The following TRPM1 variants were observed in gnomAD, a reference collection of about 807,000 sequenced individuals.
TRPM1 encodes transient receptor potential cation channel subfamily M member 1.
A neutral mutation model predicts 149.4 loss-of-function variants in TRPM1; 113 were observed. The ratio of observed to expected loss-of-function variants is 0.76; its 90% CI spans 0.65 to 0.88. TRPM1 has a LOEUF of 0.88. Ranked by LOEUF, TRPM1 falls within the 40% of genes least tolerant of loss-of-function variation. The pLI, the probability that TRPM1 is intolerant of heterozygous loss-of-function variation, is 0.00. For synonymous variants in TRPM1, 741 were observed against 759.5 expected, an observed-to-expected ratio of 0.98 and a Z score of 0.40; for missense variants, 1,976 against 2,038.7, an observed-to-expected ratio of 0.97 and a Z score of 0.59.
At chr15:31,079,836 A>G (rs2034809680) in intron 2 of TRPM1, among the ~76,000 whole-genome samples, 1 of 152,192 alleles carries the variant, frequency 6.6e-6, no homozygotes, top group South Asian at 2.1e-4. Flanking sequence ...TCCAAATACC[A>G]TTCTCCACTA....
chr15:31,145,184 G>A (rs1596100961), intron 1 of TRPM1, among the ~76,000 whole-genome samples: 1 of 152,122 alleles, frequency 6.6e-6, no homozygotes, highest in South Asian at 2.1e-4. Flanking sequence ...TCAAGGGAAC[G>A]TCTCATGCCC....
chr15:31,124,851 G>T (rs1008342453), intron 1 of TRPM1, among the ~76,000 whole-genome samples: 2 of 152,102 alleles, frequency 1.3e-5, no homozygotes, highest in African/African-American at 4.8e-5. Flanking sequence ...TGGTAATGGT[G>T]GGTGGATACC....
chr15:31,059,892 G>A (rs1376194130), intron 11 of TRPM1, among the ~76,000 whole-genome samples: 2 of 152,030 alleles, frequency 1.3e-5, no homozygotes, highest in African/African-American at 4.8e-5. Context: ...AGACTTATGT[G>A]TGTTCACACA....
intron 1 of TRPM1, among the ~76,000 whole-genome samples, chr15:31,148,831 G>C (rs753667158): frequency 2.0e-5 from 3 of 152,330 alleles, no homozygotes; most frequent in Non-Finnish European, 4.4e-5. Flanking sequence ...GGTAGCCTCA[G>C]TTCTGCCGTC....
chr15:31,121,223 CAAAAA>C (rs71420549), intron 1 of TRPM1, among the ~76,000 whole-genome samples: 1 of 59,380 alleles, frequency 1.7e-5, no homozygotes, highest in Middle Eastern at 0.01. Flanking sequence ...GACTCCATCT[CAAAAA>C]AAAAAAAAAA....
intron 1 of TRPM1, among the ~76,000 whole-genome samples, chr15:31,141,605 AT>A (rs35433363): frequency 1.3e-5 from 2 of 151,908 alleles, no homozygotes; most frequent in Admixed American, 6.6e-5. Context: ...AGAGAAAGTA[AT>A]TTTTTTTGTA....
chr15:31,153,995 A>C (rs8035624), intron 1 of TRPM1, among the ~76,000 whole-genome samples: 50,867 of 152,036 alleles, frequency 0.33, 8,839 homozygotes, highest in Admixed American at 0.47. Context: ...CCCAGTACTC[A>C]AAGTGTGTTC....
chr15:31,094,252 A>T (rs180865958), intron 1 of TRPM1, among the ~76,000 whole-genome samples: 169 of 152,210 alleles, frequency 1.1e-3, no homozygotes, highest in African/African-American at 3.8e-3. Context: ...AAACCATAAA[A>T]CTCTTAAAAG....
At chr15:31,158,375 C>A (rs2036403748) in intron 1 of TRPM1, among the ~76,000 whole-genome samples, 1 of 151,818 alleles carries the variant, frequency 6.6e-6, no homozygotes, top group South Asian at 2.1e-4. Flanking sequence ...CGCCTGTAAT[C>A]CCAGCACTTT....
At chr15:31,094,764 A>G (rs973344964) in intron 1 of TRPM1, among the ~76,000 whole-genome samples, 1 of 152,252 alleles carries the variant, frequency 6.6e-6, no homozygotes, top group Admixed American at 6.5e-5. Flanking sequence ...TGGAACCTTC[A>G]GACATTGCTG....
intron 27 of TRPM1, among the ~76,000 whole-genome samples, chr15:31,015,921 G>A (rs1484434550): frequency 6.6e-6 from 1 of 151,990 alleles, no homozygotes; most frequent in Non-Finnish European, 1.5e-5. Flanking sequence ...AGGACCCTTT[G>A]CAAACATGCC....
intron 1 of TRPM1, among the ~76,000 whole-genome samples, chr15:31,086,523 T>C (rs1017415525): frequency 6.6e-6 from 1 of 152,170 alleles, no homozygotes; most frequent in Admixed American, 6.5e-5. Context: ...ACCAGGGACA[T>C]GATGTGCCCT....
chr15:31,077,811 T>C lies in TRPM1; in HGVS notation c.4-827A>G, dbSNP rs575296808. On this transcript the variant is annotated intron_variant, in intron 2 of 27. Transcript: ENST00000256552. ...CGAGTGCAGAGTGTGTCGTGATGCA[T>C]GTGTGTGTGTGTGATGAGTCTGTAT... Among the ~76,000 whole-genome samples the C allele has an allele frequency of 1.4e-3, 216 of 151,476 alleles. 2 individuals carry two copies. Among genetic ancestry groups the C allele is most frequent in the African/African-American group, 4.9e-3 (204 of 41,256 alleles).
chr15:31,135,657 C>T (rs2036078245), intron 1 of TRPM1, among the ~76,000 whole-genome samples: 1 of 151,964 alleles, frequency 6.6e-6, no homozygotes, highest in Non-Finnish European at 1.5e-5. Context: ...GGGGCAGGTC[C>T]CTCAGGAGTA....
intron 1 of TRPM1, among the ~76,000 whole-genome samples, chr15:31,114,552 C>G (rs996162317): frequency 3.3e-5 from 5 of 152,020 alleles, no homozygotes; most frequent in Non-Finnish European, 7.4e-5. Context: ...TGTTGAAAAC[C>G]AAAGACAAAG....
At chr15:31,068,271 G>A (rs2034437941) in intron 4 of TRPM1, among the ~76,000 whole-genome samples, 179 bp from the exon 5 acceptor site, 1 of 152,174 alleles carries the variant, frequency 6.6e-6, no homozygotes, top group African/African-American at 2.4e-5. Context: ...GGAGAGGATT[G>A]TCAGGTTTAG....
intron 27 of TRPM1, among the ~76,000 whole-genome samples, chr15:31,013,069 T>C (rs1251483879): frequency 2.0e-5 from 3 of 151,304 alleles, no homozygotes; most frequent in Non-Finnish European, 4.4e-5. Context: ...CAGCCTTGAA[T>C]TCCTGGGCTC....
rs113105023 is a variant in TRPM1 at position 31,148,839 on chromosome 15, G to A, written c.54+12067C>T. On this transcript the variant is annotated intron_variant, in intron 1 of 26. Coordinates refer to the TRPM1 transcript ENST00000542188. ...ACCCCAGGGTAGCCTCAGTTCTGCCGTCTGTTAGACAGCTGGGTGGTCTGA... is the reference window on the plus strand; with the variant it reads ...ACCCCAGGGTAGCCTCAGTTCTGCCATCTGTTAGACAGCTGGGTGGTCTGA... Among the ~76,000 whole-genome samples the A allele has an allele frequency of 1.3e-3, 202 of 152,290 alleles. 1 individual carries two copies. Among genetic ancestry groups the A allele is most frequent in the Middle Eastern group, 3.4e-3 (1 of 294 alleles).
chr15:31,037,772 G>A lies in TRPM1; in HGVS notation c.2510C>T (p.Pro837Leu), dbSNP rs1048757441. Residue 837 changes from proline (P) to leucine (L), a missense_variant, in exon 20 of 28, where the codon CCC (proline) becomes CTC (leucine). Transcript: ENST00000256552. ...GAATTCACAGATCTTTGTTCCGATG[G>A]GAATACTTCTCTGTTTTTTGTGCTC... ...ENEHKKQRSIPIGTKICEFYN... is the reference protein window; with the variant it reads ...ENEHKKQRSILIGTKICEFYN... 1.0e-4 allele frequency: 161 copies of A among 1,614,168 alleles called. No individual in the cohort carries two copies. The highest frequency in any genetic ancestry group is 1.3e-4 in the Non-Finnish European group (158 of 1,180,034).
Sources: gnomAD v4.1 joint callset for allele counts (sites outside exome capture counted in the v4.1 genomes callset) on GRCh38, gnomAD v4.1.1 for gene constraint, MANE v1.5 for transcripts, NCBI Gene and HGNC (gene_info 2026-07-23, HGNC 2026-07-21) for gene names.